CNTN4: variants seen among roughly 807,000 people sequenced by gnomAD.
CNTN4 encodes contactin 4.
Under a neutral mutation model 122.5 loss-of-function variants are expected in CNTN4, and 77 were observed. The observed-to-expected ratio is 0.63, with a 90% CI of 0.52 to 0.76. The LOEUF (loss-of-function observed/expected upper bound fraction) is 0.76, where lower values mean the gene tolerates loss of function less well. Among genes scored for constraint, CNTN4 ranks in the 30% least tolerant of loss-of-function variants. The pLI, the probability that CNTN4 is intolerant of heterozygous loss-of-function variation, is 0.00. For synonymous variants in CNTN4, 512 were observed against 447.0 expected, an observed-to-expected ratio of 1.15 and a Z score of -1.83; for missense variants, 1,256 against 1,259.1, an observed-to-expected ratio of 1.00 and a Z score of 0.04.
intron 4 of CNTN4, among the ~76,000 whole-genome samples, chr3:2,646,529 G>C (rs188995194): frequency 2.0e-4 from 30 of 152,278 alleles, no homozygotes; most frequent in African/African-American, 7.0e-4. Context: ...AGCACTCAAT[G>C]AATGTTAACC....
chr3:2,564,642 G>C (rs1475739857), intron 3 of CNTN4, among the ~76,000 whole-genome samples: 1 of 152,086 alleles, frequency 6.6e-6, no homozygotes, highest in Non-Finnish European at 1.5e-5. Context: ...ACAGCACTGA[G>C]CCTGGAACGC....
chr3:2,839,525 G>A (rs1337066979), intron 7 of CNTN4, among the ~76,000 whole-genome samples: 1 of 152,080 alleles, frequency 6.6e-6, no homozygotes, highest in Non-Finnish European at 1.5e-5. Flanking sequence ...TCTCTTGATA[G>A]GTTCCTTGTC....
chr3:2,537,747 A>G (rs2077867216), intron 3 of CNTN4, among the ~76,000 whole-genome samples: 1 of 152,086 alleles, frequency 6.6e-6, no homozygotes, highest in Admixed American at 6.6e-5. Flanking sequence ...ATCGCTATTC[A>G]TGCATCCATT....
intron 2 of CNTN4, among the ~76,000 whole-genome samples, chr3:2,217,598 C>G (rs1019835047): frequency 1.3e-5 from 2 of 152,128 alleles, no homozygotes; most frequent in African/African-American, 4.8e-5. Flanking sequence ...TATTCACATT[C>G]TGGTGGCCAA....
At chr3:3,037,432 T>C in intron 18 of CNTN4, 104 bp downstream of exon 18, 1 of 1,443,724 alleles carries the variant, frequency 6.9e-7, no homozygotes, top group Non-Finnish European at 9.7e-7. Context: ...GGCTCTGTGT[T>C]AGCTCACCCT....
intron 4 of CNTN4, among the ~76,000 whole-genome samples, chr3:2,672,626 A>G (rs1307753439): frequency 4.6e-5 from 7 of 152,270 alleles, no homozygotes; most frequent in South Asian, 4.1e-4. Flanking sequence ...CTGTCTGACA[A>G]TCCCCAGTGA....
At chr3:2,535,367 T>C (rs2077761234) in intron 3 of CNTN4, among the ~76,000 whole-genome samples, 1 of 152,198 alleles carries the variant, frequency 6.6e-6, no homozygotes, top group Non-Finnish European at 1.5e-5. Context: ...CTGTCTTCAC[T>C]TCTAAGTTTC....
In CNTN4 at chr3:2,556,186, C is replaced by G. The variant is rs566484961; in HGVS notation, c.-88-15230C>G. Among the ~76,000 whole-genome samples, 4 of 152,200 alleles carry G rather than the reference C, an allele frequency of 2.6e-5. No individual in the cohort carries two copies. In the South Asian group the frequency reaches 6.2e-4, roughly 24 times the overall value. ...ATTTATAGCAAAACAAAAATTGGCA[C>G]CAAGAGGCTAGCCTGAGTTTTATAC... On this transcript the variant is annotated intron_variant, in intron 3 of 24. Coordinates refer to ENST00000418658, the MANE Select transcript of CNTN4 (RefSeq NM_175607.3).
intron 13 of CNTN4, among the ~76,000 whole-genome samples, chr3:2,973,632 G>A (rs1283537995): frequency 1.3e-5 from 2 of 151,994 alleles, no homozygotes; most frequent in Non-Finnish European, 2.9e-5. Flanking sequence ...AAGACTGAAT[G>A]AATTTTAATC....
chr3:2,839,060 G>T (rs1213510474), intron 7 of CNTN4, among the ~76,000 whole-genome samples: 1 of 152,022 alleles, frequency 6.6e-6, no homozygotes, highest in East Asian at 1.9e-4. Context: ...CTTGGTGACA[G>T]CCTGTAACCA....
At chr3:2,218,554 T>C (rs531326614) in intron 2 of CNTN4, among the ~76,000 whole-genome samples, 1 of 152,190 alleles carries the variant, frequency 6.6e-6, no homozygotes, top group South Asian at 2.1e-4. Flanking sequence ...AAAAAAAAGT[T>C]TTTTGACACA....
intron 2 of CNTN4, among the ~76,000 whole-genome samples, chr3:2,325,565 AAAGCCACAGAATCTTTTCAGCTC>A (rs935366245): frequency 5.3e-5 from 8 of 152,198 alleles, no homozygotes; most frequent in Admixed American, 2.6e-4. Context: ...CAGCCCGGTG[AAAGCCACAGAATCTTTTCAGCTC>A]AAGCCCTCCA....
At chr3:2,943,032 A>C (rs567034950) in intron 13 of CNTN4, among the ~76,000 whole-genome samples, 157 of 152,318 alleles carry the variant, frequency 1.0e-3, no homozygotes, top group African/African-American at 3.4e-3. Context: ...GGCAAAGAAT[A>C]GGGAGTGCAC....
At chr3:2,755,616 T>C (rs991461808) in intron 6 of CNTN4, among the ~76,000 whole-genome samples, 3 of 152,196 alleles carry the variant, frequency 2.0e-5, no homozygotes, top group Non-Finnish European at 2.9e-5. Flanking sequence ...GTACAGATGC[T>C]AGTTAATTGT....
rs537030998 is a variant in CNTN4, at chr3:2,628,991, A to G, written c.55+57433A>G. ...CCAACTGCTGTTACAGTGGACCTTCAGAATAATTTAATTTGGTCAATTGTC... is the reference window on the plus strand; with the variant it reads ...CCAACTGCTGTTACAGTGGACCTTCGGAATAATTTAATTTGGTCAATTGTC... On this transcript the variant is annotated intron_variant, in intron 4 of 24. Coordinates refer to ENST00000418658, the MANE Select transcript of CNTN4 (RefSeq NM_175607.3). 5.3e-5 allele frequency among the ~76,000 whole-genome samples: 8 copies of G among 152,316 alleles called. No homozygotes were observed. In the South Asian group the frequency reaches 1.7e-3, roughly 32 times the overall value.
At chr3:2,527,938 A>G (rs983119906) in intron 3 of CNTN4, among the ~76,000 whole-genome samples, 1 of 152,128 alleles carries the variant, frequency 6.6e-6, no homozygotes, top group African/African-American at 2.4e-5. Flanking sequence ...TTTCAGATAT[A>G]TGTCCCTTCC....
chr3:2,792,551 G>T (rs888590346), intron 6 of CNTN4, among the ~76,000 whole-genome samples: 10 of 152,222 alleles, frequency 6.6e-5, no homozygotes, highest in African/African-American at 2.4e-4. Flanking sequence ...AAGCAAGAAT[G>T]CTAGAAGCCA....
intron 13 of CNTN4, among the ~76,000 whole-genome samples, chr3:2,979,278 C>T (rs1377243336): frequency 6.6e-6 from 1 of 151,952 alleles, no homozygotes; most frequent in African/African-American, 2.4e-5. Context: ...GATGAACTTG[C>T]CCGGTAGGGA....
At chr3:2,861,722 G>A (rs973859979) in intron 7 of CNTN4, among the ~76,000 whole-genome samples, 4 of 152,092 alleles carry the variant, frequency 2.6e-5, no homozygotes, top group African/African-American at 7.2e-5. Context: ...GTGTGTGCAC[G>A]TGTGTGTTCC....
Sources: gnomAD v4.1 joint callset for allele counts (sites outside exome capture counted in the v4.1 genomes callset) on GRCh38, gnomAD v4.1.1 for gene constraint, MANE v1.5 for transcripts, NCBI Gene and HGNC (gene_info 2026-07-23, HGNC 2026-07-21) for gene names.